RPS6KA2: variants seen among roughly 807,000 people sequenced by gnomAD.
RPS6KA2 encodes ribosomal protein S6 kinase A2, also known as ribosomal protein S6 kinase alpha-2.
RPS6KA2 carries 42 observed loss-of-function variants against 91.8 expected under a neutral mutation model. The ratio of observed to expected loss-of-function variants is 0.46; its 90% CI spans 0.36 to 0.59. The LOEUF (loss-of-function observed/expected upper bound fraction) is 0.59. Ranked by LOEUF, RPS6KA2 falls within the 20% of genes least tolerant of loss-of-function variation. The pLI is 0.00. For missense variants in RPS6KA2, 798 were observed against 978.5 expected (o/e 0.82, Z 2.46); for synonymous variants, 414 against 393.6 (o/e 1.05, Z -0.61).
At chr6:166,449,087 C>A (rs1300418183) in intron 13 of RPS6KA2, among the ~76,000 whole-genome samples, 1 of 152,188 alleles carries the variant, frequency 6.6e-6, no homozygotes, top group Non-Finnish European at 1.5e-5. Flanking sequence ...AGACACCAGG[C>A]CGTTCTGTGT....
intron 2 of RPS6KA2, among the ~76,000 whole-genome samples, chr6:166,671,977 A>C (rs1475704133): frequency 6.6e-6 from 1 of 152,158 alleles, no homozygotes; most frequent in Non-Finnish European, 1.5e-5. Flanking sequence ...GGGGTCTGAC[A>C]CCTGTGGCCA....
chr6:166,564,865 C>G (rs1159882557), intron 1 of RPS6KA2, among the ~76,000 whole-genome samples: 1 of 152,192 alleles, frequency 6.6e-6, no homozygotes, highest in Non-Finnish European at 1.5e-5. Flanking sequence ...TGGCCAGATC[C>G]CATTTCAAGG....
intron 2 of RPS6KA2, among the ~76,000 whole-genome samples, chr6:166,820,937 G>A (rs1486647842): frequency 2.6e-5 from 4 of 152,144 alleles, no homozygotes; most frequent in East Asian, 1.9e-4. Flanking sequence ...GCCTAAGTTC[G>A]CTGCAAGTAA....
intron 2 of RPS6KA2, among the ~76,000 whole-genome samples, chr6:166,760,933 C>T (rs903175139): frequency 2.6e-5 from 4 of 152,214 alleles, no homozygotes; most frequent in African/African-American, 7.2e-5. Flanking sequence ...GGCCTTTGGT[C>T]TCTGGCTAAA....
At chr6:166,520,139 T>C (rs750629396) in intron 3 of RPS6KA2, among the ~76,000 whole-genome samples, 39 of 152,184 alleles carry the variant, frequency 2.6e-4, no homozygotes, top group Non-Finnish European at 3.8e-4. Context: ...GCCTGGTTCT[T>C]GGACTGAGAC....
chr6:166,431,612 T>C (rs1779134534), intron 15 of RPS6KA2, among the ~76,000 whole-genome samples: 1 of 152,204 alleles, frequency 6.6e-6, no homozygotes. Context: ...GCTCTGATTA[T>C]TCTTTTTATG....
intron 2 of RPS6KA2, chr6:166,757,541 G>A (rs771193568): frequency 2.2e-6 from 1 of 456,286 alleles, no homozygotes; most frequent in South Asian, 1.5e-5. Flanking sequence ...CTGAGGAACA[G>A]TCTCTGCAGC....
chr6:166,510,599 A>ATATATATATATG (rs1782441385), intron 3 of RPS6KA2, among the ~76,000 whole-genome samples: 1 of 108,280 alleles, frequency 9.2e-6, no homozygotes, highest in Non-Finnish European at 1.9e-5. Context: ...ATATATATAT[A>ATATATATATATG]TATATATATA....
At chr6:166,738,428 C>A (rs2128591538) in intron 2 of RPS6KA2, among the ~76,000 whole-genome samples, 1 of 152,192 alleles carries the variant, frequency 6.6e-6, no homozygotes, top group Middle Eastern at 3.4e-3. Flanking sequence ...AGAGCAGAGA[C>A]CCTACAGCAG....
chr6:166,819,323 C>T (rs1779845519), intron 2 of RPS6KA2, among the ~76,000 whole-genome samples: 1 of 152,070 alleles, frequency 6.6e-6, no homozygotes, highest in Non-Finnish European at 1.5e-5. Flanking sequence ...TGAAAGGTAG[C>T]ATTACACATA....
intron 2 of RPS6KA2, among the ~76,000 whole-genome samples, chr6:166,780,142 C>A (rs1778731686): frequency 6.6e-6 from 1 of 152,184 alleles, no homozygotes; most frequent in African/African-American, 2.4e-5. Flanking sequence ...TCACTGTGAC[C>A]AATAGCAGCA....
In RPS6KA2 at chr6:166,740,204, C is replaced by A. The variant is rs556002055; in HGVS notation, c.123+117996G>T. On this transcript the variant is annotated intron_variant, in intron 2 of 21. Transcript: ENST00000503859. The stretch of plus-strand genomic sequence containing the variant: ...GACACCTACCTTGTGGTAGCTTCTG[C>A]TGCACCCTGAGAAACCATCTGGATT... Among the ~76,000 whole-genome samples, 50 of 152,316 alleles carry A rather than the reference C, an allele frequency of 3.3e-4. No individual in the cohort carries two copies. The South Asian group carries it at 5.8e-3, about 18-fold the overall frequency.
chr6:166,507,654 C>T (rs538167928), intron 5 of RPS6KA2, among the ~76,000 whole-genome samples: 1 of 151,208 alleles, frequency 6.6e-6, no homozygotes, highest in East Asian at 2.0e-4. Context: ...CGCACACCAA[C>T]CCCACACATG....
At chr6:166,824,733 CTGTGTG>C (rs1310803615) in intron 2 of RPS6KA2, among the ~76,000 whole-genome samples, 1 of 113,880 alleles carries the variant, frequency 8.8e-6, no homozygotes, top group Admixed American at 8.7e-5. Flanking sequence ...ATGTCTGTGT[CTGTGTG>C]TATGTCTGTA....
chr6:166,605,708 C>G (rs1408275920), intron 1 of RPS6KA2, among the ~76,000 whole-genome samples: 1 of 152,052 alleles, frequency 6.6e-6, no homozygotes, highest in African/African-American at 2.4e-5. Context: ...CACACAAGCA[C>G]AGATACACCT....
intron 1 of RPS6KA2, among the ~76,000 whole-genome samples, chr6:166,615,343 C>A (rs912619781): frequency 2.6e-5 from 4 of 152,206 alleles, no homozygotes; most frequent in African/African-American, 4.8e-5. Context: ...ACTCCCTGTG[C>A]ACAGTATTTT....
Position 166,662,029 on chromosome 6 carries a change from C to T in RPS6KA2, c.124-123245G>A, listed in dbSNP as rs1433481450. On this transcript the variant is annotated intron_variant, in intron 2 of 21. Transcript: ENST00000503859. The surrounding 1 kb of genome is among the most constrained non-coding windows in gnomAD (Gnocchi z 4.3). ...TCGTTAACACAAATTCTTAACGGGACTAGTGAGAATCCCTGCTTTGTTCCT... is the reference window on the plus strand; with the variant it reads ...TCGTTAACACAAATTCTTAACGGGATTAGTGAGAATCCCTGCTTTGTTCCT... Among the ~76,000 whole-genome samples the T allele has an allele frequency of 6.6e-6, 1 of 152,184 alleles. No individual in the cohort carries two copies. Among genetic ancestry groups the T allele is most frequent in the Non-Finnish European group, 1.5e-5 (1 of 68,030 alleles).
chr6:166,541,258 A>G (rs1489997288), intron 1 of RPS6KA2, among the ~76,000 whole-genome samples: 1 of 152,216 alleles, frequency 6.6e-6, no homozygotes, highest in African/African-American at 2.4e-5. Flanking sequence ...CACCGCCCAG[A>G]GGTGTGGGGC....
chr6:166,620,694 T>C (rs1786592026), intron 1 of RPS6KA2, among the ~76,000 whole-genome samples: 1 of 152,242 alleles, frequency 6.6e-6, no homozygotes, highest in African/African-American at 2.4e-5. Flanking sequence ...CTCACCAAAG[T>C]CAGCTTTGTG....
Sources: allele counts gnomAD v4.1 joint callset (sites outside exome capture counted in the v4.1 genomes callset), GRCh38; gene constraint gnomAD v4.1.1; non-coding constraint Gnocchi (gnomAD v3.1); transcripts MANE v1.5; gene names NCBI Gene and HGNC (gene_info 2026-07-23, HGNC 2026-07-21).